Variants in SSBP3 observed in about 807,000 individuals in gnomAD.
The protein encoded by SSBP3 is single stranded DNA binding protein 3, also known as single-stranded DNA-binding protein 3.
Under a neutral mutation model 69.6 loss-of-function variants are expected in SSBP3, and 5 were observed. The ratio of observed to expected loss-of-function variants is 0.07; its 90% CI spans 0.04 to 0.15. The LOEUF (loss-of-function observed/expected upper bound fraction) is 0.15, where lower values mean the gene tolerates loss of function less well. Among genes scored for constraint, SSBP3 ranks in the 10% least tolerant of loss-of-function variants. The probability of loss-of-function intolerance (pLI) is 1.00; values close to 1 mark genes in which losing one functional copy is unlikely to be tolerated. For missense variants in SSBP3, 312 were observed against 534.0 expected (o/e 0.58, Z 4.10); for synonymous variants, 196 against 193.4 (o/e 1.01, Z -0.11).
intron 17 of SSBP3, 30 bp from the exon 18 acceptor site, chr1:54,227,190 G>T (rs545041801): frequency 6.0e-6 from 7 of 1,158,712 alleles, no homozygotes; most frequent in Non-Finnish European, 7.6e-6. Flanking sequence ...AAGGGGGGGG[G>T]GTGAGGATTG....
chr1:54,256,961 C>T (rs952104324), intron 7 of SSBP3, among the ~76,000 whole-genome samples, 166 bp downstream of exon 7: 8 of 152,132 alleles, frequency 5.3e-5, no homozygotes, highest in Admixed American at 2.6e-4. Flanking sequence ...ATGGGCACAG[C>T]GGGGACATGG....
At chr1:54,339,532 T>G (rs1646569500) in intron 4 of SSBP3, among the ~76,000 whole-genome samples, 1 of 151,476 alleles carries the variant, frequency 6.6e-6, no homozygotes, top group Non-Finnish European at 1.5e-5. Context: ...TAAATGCGAG[T>G]AAAATACTAG....
intron 4 of SSBP3, among the ~76,000 whole-genome samples, chr1:54,310,506 C>T (rs1645982161): frequency 6.6e-6 from 1 of 152,168 alleles, no homozygotes; most frequent in Non-Finnish European, 1.5e-5. Context: ...AATTGAGCTA[C>T]AAAGAGAAGA....
intron 4 of SSBP3, among the ~76,000 whole-genome samples, chr1:54,293,424 A>G (rs1037823262): frequency 6.6e-6 from 1 of 152,216 alleles, no homozygotes; most frequent in African/African-American, 2.4e-5. Context: ...GAGGTGGTCC[A>G]TCCCCTACTC....
intron 14 of SSBP3, among the ~76,000 whole-genome samples, chr1:54,232,692 G>C (rs1331882531): frequency 6.6e-6 from 1 of 151,280 alleles, no homozygotes; most frequent in Non-Finnish European, 1.5e-5. Flanking sequence ...CAACCTCCCT[G>C]CCTGATTCTC....
intron 4 of SSBP3, among the ~76,000 whole-genome samples, chr1:54,392,529 G>A (rs1276834159): frequency 6.6e-6 from 1 of 152,136 alleles, no homozygotes; most frequent in African/African-American, 2.4e-5. Context: ...TTCTTTTTTG[G>A]TAATTACCAG....
chr1:54,228,695 C>T, intron 15 of SSBP3, 53 bp downstream of exon 15: 1 of 1,543,948 alleles, frequency 6.5e-7, no homozygotes, highest in Non-Finnish European at 8.8e-7. Context: ...AGCTGAGGCA[C>T]AGAGCTGGCT....
intron 13 of SSBP3, among the ~76,000 whole-genome samples, chr1:54,240,087 T>TGTGTGTGCGC (rs1159547661): frequency 9.4e-5 from 4 of 42,342 alleles, no homozygotes; most frequent in Admixed American, 2.5e-4. Flanking sequence ...TGTGTGTGTG[T>TGTGTGTGCGC]GCGCGCGCGC....
At chr1:54,337,423 T>A (rs751628698) in intron 4 of SSBP3, among the ~76,000 whole-genome samples, 12 of 146,320 alleles carry the variant, frequency 8.2e-5, no homozygotes, top group African/African-American at 3.0e-4. Flanking sequence ...CTGTTCTCGC[T>A]CCAGTCTCTG....
At chr1:54,311,659 A>C (rs1180980427) in intron 4 of SSBP3, among the ~76,000 whole-genome samples, 1 of 152,164 alleles carries the variant, frequency 6.6e-6, no homozygotes, top group Non-Finnish European at 1.5e-5. Flanking sequence ...GAGGGGCGGC[A>C]GACTCAGGAG....
At chr1:54,363,376 C>T (rs1337252134) in intron 4 of SSBP3, among the ~76,000 whole-genome samples, 1 of 152,100 alleles carries the variant, frequency 6.6e-6, no homozygotes, top group African/African-American at 2.4e-5. Context: ...TATTTCTTCA[C>T]CTGGAGAAAA....
In SSBP3 at chr1:54,258,047, G is replaced by T; in HGVS notation, c.447+22C>A. 1 of 1,570,114 alleles carries T rather than the reference G, an allele frequency of 6.4e-7. No individual in the cohort carries two copies. The highest frequency in any genetic ancestry group is 8.6e-7 in the Non-Finnish European group (1 of 1,158,758). On this transcript the variant is annotated intron_variant, in intron 6 of 17. Transcript: ENST00000610401. This position sits in a 1 kb window ranked among gnomAD's most constrained non-coding sequence, Gnocchi z 4.5. ...TCCGCGCCCCGCGTCCCCGGCGGGC[G>T]GGAGCGCCACGGTGCGTTTACCTGA...
At chr1:54,390,436 C>T (rs753812804) in intron 4 of SSBP3, among the ~76,000 whole-genome samples, 4 of 152,158 alleles carry the variant, frequency 2.6e-5, no homozygotes, top group Non-Finnish European at 5.9e-5. Flanking sequence ...AGCAAAATAA[C>T]ACCAAAGAAA....
At chr1:54,409,609 C>G (rs376651969), upstream of SSBP3, among the ~76,000 whole-genome samples, 1 of 152,108 alleles carries the variant, frequency 6.6e-6, no homozygotes, top group Non-Finnish European at 1.5e-5. Context: ...GCCACTCCCT[C>G]GGCTCAGCCA....
At chr1:54,243,175 T>G in intron 10 of SSBP3, 60 bp downstream of exon 10, 1 of 1,511,302 alleles carries the variant, frequency 6.6e-7, no homozygotes, top group Non-Finnish European at 9.2e-7. Context: ...CCCAGGGTGC[T>G]GGCAGAGGGT....
At chr1:54,328,232 C>T (rs989865475) in intron 4 of SSBP3, among the ~76,000 whole-genome samples, 11 of 152,166 alleles carry the variant, frequency 7.2e-5, no homozygotes, top group African/African-American at 2.7e-4. Context: ...AGGACCACAT[C>T]GTCCAGTGTG....
At chr1:54,328,126 G>A (rs1357894910) in intron 4 of SSBP3, among the ~76,000 whole-genome samples, 1 of 152,044 alleles carries the variant, frequency 6.6e-6, no homozygotes, top group Non-Finnish European at 1.5e-5. Context: ...TCTTGACCTC[G>A]TACCCAGGCA....
chr1:54,299,749 C>A (rs1247776684), intron 4 of SSBP3, among the ~76,000 whole-genome samples: 1 of 152,044 alleles, frequency 6.6e-6, no homozygotes, highest in African/African-American at 2.4e-5. Context: ...CTACATCAGG[C>A]CCCTCATTAG....
intron 4 of SSBP3, among the ~76,000 whole-genome samples, chr1:54,290,136 C>T (rs1289453778): frequency 6.6e-6 from 1 of 152,202 alleles, no homozygotes; most frequent in Non-Finnish European, 1.5e-5. Context: ...TTCTCTGATA[C>T]AAATTTCAGA....
Sources: allele counts gnomAD v4.1 joint callset (sites outside exome capture counted in the v4.1 genomes callset), GRCh38; gene constraint gnomAD v4.1.1; non-coding constraint Gnocchi (gnomAD v3.1); transcripts MANE v1.5; gene names NCBI Gene and HGNC (gene_info 2026-07-23, HGNC 2026-07-21).